The following DFFA variants were observed in gnomAD, a reference collection of about 807,000 sequenced individuals.
DFFA encodes the protein DFF45.
Under a neutral mutation model 28.0 loss-of-function variants are expected in DFFA, and 14 were observed. The observed-to-expected ratio is 0.50, with a 90% CI of 0.33 to 0.78. The LOEUF is 0.78. Among genes scored for constraint, DFFA ranks in the 30% least tolerant of loss-of-function variants. The pLI, the probability that DFFA is intolerant of heterozygous loss-of-function variation, is 0.02. For synonymous variants in DFFA, 158 were observed against 170.3 expected (o/e 0.93, Z 0.56); for missense variants, 395 against 407.1 (o/e 0.97, Z 0.26).
chr1:10,467,834 G>C (rs943795198), intron 2 of DFFA, among the ~76,000 whole-genome samples: 1 of 152,136 alleles, frequency 6.6e-6, no homozygotes, highest in Non-Finnish European at 1.5e-5. Flanking sequence ...ATCTCTGTGT[G>C]CAACGGCTCT....
Position 10,458,818 on chromosome 1 carries a change from T to C in DFFA, c.*2672A>G, listed in dbSNP as rs976329014. ...TCCCAAAGTGCTGGGACTGCAGGTG[T>C]GAGCCACTGCGCCCGGCCTATTGTG... On this transcript the variant is annotated 3_prime_UTR_variant, in exon 6 of 6. Coordinates refer to ENST00000377038, the MANE Select transcript of DFFA (RefSeq NM_004401.3). 9 of 151,948 alleles carry C rather than the reference T, an allele frequency of 5.9e-5. No individual in the cohort carries two copies. The highest frequency in any genetic ancestry group is 2.2e-4 in the African/African-American group (9 of 41,326). The allele number at this position is 151,948 out of a possible 1,614,324, so 9.4% of individuals were successfully genotyped here.
chr1:10,458,886 ACT>A lies in DFFA; in HGVS notation c.*2602_*2603del, dbSNP rs1165080490. ...TTTCTTTTTTGTGTGACAGTGTCTC[ACT>A]CTGTTGCAGGCTGGAGTACAGTGGC... On this transcript the variant is annotated 3_prime_UTR_variant, in exon 6 of 6. Transcript: ENST00000377038. 2 of 134,996 alleles carry A rather than the reference ACT, an allele frequency of 1.5e-5. No homozygotes were observed. Among genetic ancestry groups the A allele is most frequent in the Non-Finnish European group, 3.2e-5 (2 of 63,466 alleles). 8.4% of individuals were successfully genotyped at this position (134,996 alleles called of 1,614,324 possible). A position where few individuals can be genotyped will look rare whatever the true frequency, so the allele number is the denominator to read the frequency against.
At position 10,469,165 on chromosome 1, in the gene DFFA, A is replaced by G; in HGVS notation, c.298+12T>C. The G allele has an allele frequency of 2.5e-6, 4 of 1,613,544 alleles. No homozygotes were observed. The highest frequency in any genetic ancestry group is 1.3e-5 in the African/African-American group (1 of 75,058). On this transcript the variant is annotated intron_variant, in intron 2 of 5. Transcript: ENST00000377038. ...TGCATAGGCCGTTTTATACATGGCTAGAGTTTCTTACCTGAATTGTTGTAT... is the reference window on the plus strand; with the variant it reads ...TGCATAGGCCGTTTTATACATGGCTGGAGTTTCTTACCTGAATTGTTGTAT...
intron 2 of DFFA, 53 bp from the exon 3 acceptor site, chr1:10,467,385 ACCT>A: frequency 6.2e-7 from 1 of 1,600,966 alleles, no homozygotes. Flanking sequence ...TGCTGTTTTC[ACCT>A]CCTCCCCCAG....
chr1:10,466,426 T>C (rs1641023768), intron 3 of DFFA, among the ~76,000 whole-genome samples: 1 of 151,426 alleles, frequency 6.6e-6, no homozygotes, highest in South Asian at 2.1e-4. Flanking sequence ...CCTGACCTCG[T>C]GATCTGCCCG....
Position 10,460,593 on chromosome 1 carries a change from A to C in DFFA, c.*897T>G, listed in dbSNP as rs1466331753. On this transcript the variant is annotated 3_prime_UTR_variant, in exon 6 of 6. Coordinates refer to ENST00000377038, the MANE Select transcript of DFFA (RefSeq NM_004401.3). ...CACCCAGGCTGGAGTACAGTGGCAT[A>C]ATCTCGGCTCACTGCAACTTCTGCC... 3 of 145,938 alleles carry C rather than the reference A, an allele frequency of 2.1e-5. No homozygotes were observed. The highest frequency in any genetic ancestry group is 7.7e-5 in the African/African-American group (3 of 38,868). 9.0% of individuals were successfully genotyped at this position (145,938 alleles called of 1,614,324 possible). A position where few individuals can be genotyped will look rare whatever the true frequency, so the allele number is the denominator to read the frequency against.
chr1:10,470,173 ATTAG>A (rs986283411), intron 1 of DFFA, among the ~76,000 whole-genome samples: 1 of 152,090 alleles, frequency 6.6e-6, no homozygotes, highest in Non-Finnish European at 1.5e-5. Flanking sequence ...AGGTACTTTT[ATTAG>A]TTCTGTTTTA....
intron 3 of DFFA, among the ~76,000 whole-genome samples, chr1:10,466,905 A>T (rs1215799271): frequency 7.3e-6 from 1 of 136,430 alleles, no homozygotes. Flanking sequence ...GTGAGCTGAG[A>T]TTGCACCACT....
intron 2 of DFFA, among the ~76,000 whole-genome samples, chr1:10,468,839 A>T (rs1233707177): frequency 1.3e-5 from 2 of 151,942 alleles, no homozygotes; most frequent in Non-Finnish European, 2.9e-5. Context: ...CCCAGGTTCA[A>T]GCAATTCTCC....
chr1:10,467,043 G>T, intron 3 of DFFA, 147 bp downstream of exon 3: 1 of 907,220 alleles, frequency 1.1e-6, no homozygotes, highest in Non-Finnish European at 1.6e-6. Flanking sequence ...ATGAGAAGAT[G>T]AAAAATCTTA....
In DFFA at chr1:10,461,303, G is replaced by T; in HGVS notation, c.*187C>A. On this transcript the variant is annotated 3_prime_UTR_variant, in exon 6 of 6. Transcript: ENST00000377038. ...GCTATATCATTCAAAATTGGCAGAA[G>T]TCCTGAAGCTGGTGGGGCTAAAAAA... is the stretch of plus-strand genomic sequence containing the variant. 1 of 837,794 alleles carries T rather than the reference G, an allele frequency of 1.2e-6. No homozygotes were observed. The highest frequency in any genetic ancestry group is 1.8e-6 in the Non-Finnish European group (1 of 558,782). 51.9% of individuals were successfully genotyped at this position (837,794 alleles called of 1,614,324 possible).
chr1:10,463,134 G>A lies in DFFA; in HGVS notation c.707C>T (p.Ala236Val), dbSNP rs142954972. The A allele has an allele frequency of 7.8e-4, 1,256 of 1,613,990 alleles. 2 individuals are homozygous for A. Among genetic ancestry groups the A allele is most frequent in the Non-Finnish European group, 1.0e-3 (1,198 of 1,180,028 alleles). The change falls in exon 5 of 6, where the codon GCG becomes GTG. Residue 236 changes from alanine (A) to valine (V), a missense_variant. Coordinates refer to ENST00000377038, the MANE Select transcript of DFFA (RefSeq NM_004401.3). The stretch of plus-strand genomic sequence containing the variant: ...TGCAGTAAGGATGTGGCTCGCCAGC[G>A]CAACGTCCGAGGAGGTCTCTCTGCT... ...GISRETSSDVALASHILTALR... is the reference protein window; with the variant it reads ...GISRETSSDVVLASHILTALR...
chr1:10,461,927 T>C (rs1042320206), intron 5 of DFFA: 3 of 912,538 alleles, frequency 3.3e-6, no homozygotes, highest in Admixed American at 1.2e-4. Flanking sequence ...CTATCTCGGC[T>C]CCCTGCAAGC....
In DFFA at chr1:10,461,559, G is replaced by C; in HGVS notation, c.927C>G (p.Ile309Met). The C allele has an allele frequency of 6.2e-7, 1 of 1,614,130 alleles. No homozygotes were observed. The change falls in exon 6 of 6, where the codon ATC (isoleucine) becomes ATG (methionine). Residue 309 changes from isoleucine (I) to methionine (M), a missense_variant. Physicochemically the swap from Ile to Met is conservative, Grantham distance 10 (BLOSUM62 1). Coordinates refer to ENST00000377038, the MANE Select transcript of DFFA (RefSeq NM_004401.3). ...CAGGTGGTGAGGCCTTGCTTGCTGA[G>C]ATGCTCCGGAGAGAATGCAAGCTCT... Reference protein sequence around the residue: ...QTQSLHSLRSISASKASPPGD... With the variant: ...QTQSLHSLRSMSASKASPPGD...
At position 10,472,267 on chromosome 1, in the gene DFFA, G is replaced by A; in HGVS notation, c.136+56C>T. On this transcript the variant is annotated intron_variant, in intron 1 of 5. Transcript: ENST00000377038. This position sits in a 1 kb window ranked among gnomAD's most constrained non-coding sequence, Gnocchi z 5.0. ...TCCTGACCCCGCCTCGCCCCCGCCG[G>A]ACGTCCTCACCCGGCCCTGGCTCCC... 1 of 1,488,132 alleles carries A rather than the reference G, an allele frequency of 6.7e-7. No homozygotes were observed. 92.2% of individuals were successfully genotyped at this position (1,488,132 alleles called of 1,614,324 possible). A position where few individuals can be genotyped will look rare whatever the true frequency, so the allele number is the denominator to read the frequency against.
At chr1:10,461,789 G>C in intron 5 of DFFA, 87 bp from the exon 6 acceptor site, 1 of 1,559,630 alleles carries the variant, frequency 6.4e-7, no homozygotes, top group Non-Finnish European at 8.7e-7. Context: ...GGAGTGCAAT[G>C]AGGCAGTATC....
At chr1:10,464,356 T>A (rs1640994145) in intron 3 of DFFA, among the ~76,000 whole-genome samples, 1 of 152,166 alleles carries the variant, frequency 6.6e-6, no homozygotes, top group South Asian at 2.1e-4. Context: ...CCTCCCAAAG[T>A]GCTGGGATTA....
rs1314726945 is a variant in DFFA at position 10,458,090 on chromosome 1, T to G, written c.*3400A>C. The stretch of plus-strand genomic sequence containing the variant: ...AATCAAGGACAGACACGTTTACTGT[T>G]CTGGGAAATCCCATTTCCAAGGGCA... On this transcript the variant is annotated 3_prime_UTR_variant, in exon 6 of 6. Transcript: ENST00000377038. 1 of 152,216 alleles carries G rather than the reference T, an allele frequency of 6.6e-6. No individual in the cohort carries two copies. Among genetic ancestry groups the G allele is most frequent in the East Asian group, 1.9e-4 (1 of 5,202 alleles). 9.4% of individuals were successfully genotyped at this position (152,216 alleles called of 1,614,324 possible). A position where few individuals can be genotyped will look rare whatever the true frequency, so the allele number is the denominator to read the frequency against.
chr1:10,469,123 C>T, intron 2 of DFFA, 54 bp downstream of exon 2: 9 of 1,541,782 alleles, frequency 5.8e-6, no homozygotes, highest in Non-Finnish European at 8.0e-6. Flanking sequence ...TGAAAGTAAT[C>T]ATGATGGATG....
Sources: gnomAD v4.1 joint callset for allele counts (sites outside exome capture counted in the v4.1 genomes callset) on GRCh38, gnomAD v4.1.1 for gene constraint, Gnocchi (gnomAD v3.1) non-coding constraint, MANE v1.5 for transcripts, NCBI Gene and HGNC (gene_info 2026-07-23, HGNC 2026-07-21) for gene names.